NCALD: variants seen among roughly 807,000 people sequenced by gnomAD.
NCALD encodes the protein neurocalcin-delta.
In NCALD, 10 loss-of-function variants were observed where a neutral mutation model predicts 18.6. That is an observed-to-expected ratio of 0.54 (90% CI 0.33 to 0.91). The LOEUF (loss-of-function observed/expected upper bound fraction) is 0.91. Ranked by LOEUF, NCALD falls within the 40% of genes least tolerant of loss-of-function variation. NCALD has a pLI of 0.03. For synonymous variants in NCALD, 88 were observed against 87.4 expected (o/e 1.01, Z -0.04); for missense variants, 184 against 247.6 (o/e 0.74, Z 1.72).
intron 2 of NCALD, among the ~76,000 whole-genome samples, chr8:101,981,714 A>C (rs1348834797): frequency 6.6e-6 from 1 of 152,228 alleles, no homozygotes; most frequent in Non-Finnish European, 1.5e-5. Context: ...CATCTGCTGA[A>C]CCTGGCTTTT....
At chr8:101,697,489 C>T (rs1815055535) in intron 2 of NCALD, among the ~76,000 whole-genome samples, 1 of 151,788 alleles carries the variant, frequency 6.6e-6, no homozygotes, top group African/African-American at 2.4e-5. Context: ...AGAGACACAA[C>T]AAAAAAAGAA....
At chr8:101,736,931 T>C (rs761083239) in intron 1 of NCALD, among the ~76,000 whole-genome samples, 6 of 152,164 alleles carry the variant, frequency 3.9e-5, no homozygotes, top group Non-Finnish European at 8.8e-5. Context: ...ACTGATTGAG[T>C]GCATTAATTC....
intron 2 of NCALD, among the ~76,000 whole-genome samples, chr8:101,941,932 T>C (rs1376109812): frequency 6.6e-6 from 1 of 152,236 alleles, no homozygotes; most frequent in Admixed American, 6.5e-5. Context: ...TTTCTTTTTC[T>C]TTTTTCCCCA....
chr8:101,969,947 GT>G (rs775357774), intron 2 of NCALD, among the ~76,000 whole-genome samples: 12 of 152,104 alleles, frequency 7.9e-5, no homozygotes, highest in Non-Finnish European at 1.0e-4. Flanking sequence ...GCACACACAT[GT>G]GTTTACAGAT....
At chr8:101,937,487 G>C (rs777929545) in intron 2 of NCALD, among the ~76,000 whole-genome samples, 20 of 152,068 alleles carry the variant, frequency 1.3e-4, no homozygotes, top group African/African-American at 4.3e-4. Flanking sequence ...TGGCCTCCAG[G>C]TCCATCCATG....
intron 2 of NCALD, among the ~76,000 whole-genome samples, chr8:102,016,848 C>A (rs1040887043): frequency 6.6e-6 from 1 of 152,132 alleles, no homozygotes; most frequent in Non-Finnish European, 1.5e-5. Flanking sequence ...AAAACCCTCA[C>A]CTCATTGTCA....
chr8:101,738,032 C>T (rs905439695), intron 1 of NCALD, among the ~76,000 whole-genome samples: 1 of 152,150 alleles, frequency 6.6e-6, no homozygotes, highest in African/African-American at 2.4e-5. Flanking sequence ...AATGAAAGAT[C>T]GTACCTTTCC....
chr8:101,811,611 C>G (rs896153401), intron 4 of NCALD, among the ~76,000 whole-genome samples: 3 of 152,150 alleles, frequency 2.0e-5, no homozygotes, highest in Admixed American at 6.6e-5. Context: ...ATGAAAGAAG[C>G]AAAGATAAGC....
chr8:101,816,288 C>G (rs1265904142), intron 4 of NCALD, among the ~76,000 whole-genome samples: 2 of 152,012 alleles, frequency 1.3e-5, no homozygotes, highest in Non-Finnish European at 2.9e-5. Flanking sequence ...AAACAGTATG[C>G]AAGAAGGAGA....
intron 1 of NCALD, among the ~76,000 whole-genome samples, chr8:102,119,520 T>C (rs646836): frequency 0.71 from 108,773 of 152,134 alleles, 39,150 homozygotes; most frequent in African/African-American, 0.78. Flanking sequence ...TGTGAATGTA[T>C]TTAAAGCCAC....
intron 3 of NCALD, among the ~76,000 whole-genome samples, chr8:101,902,278 T>G (rs922698152): frequency 8.5e-6 from 1 of 117,056 alleles, no homozygotes; most frequent in Non-Finnish European, 1.6e-5. Flanking sequence ...CTGAGTTTTT[T>G]TTTTTTTTTT....
chr8:101,744,140 A>T (rs111836277), intron 1 of NCALD, among the ~76,000 whole-genome samples: 3,778 of 152,156 alleles, frequency 0.025, 159 homozygotes, highest in African/African-American at 0.086. Flanking sequence ...TCCCTTCCTC[A>T]GCTCCTACCA....
chr8:101,958,837 C>G (rs1819732866), intron 2 of NCALD, among the ~76,000 whole-genome samples: 1 of 152,052 alleles, frequency 6.6e-6, no homozygotes, highest in Admixed American at 6.6e-5. Context: ...TCCTAGCCCA[C>G]TTTTATTTTA....
intron 4 of NCALD, among the ~76,000 whole-genome samples, chr8:101,834,962 C>G (rs1289874166): frequency 6.6e-6 from 1 of 152,242 alleles, no homozygotes; most frequent in Non-Finnish European, 1.5e-5. Flanking sequence ...AGCTCCCTAT[C>G]TGTGTGGTCT....
At position 101,689,023 on chromosome 8, in the gene NCALD, CAG is replaced by C. The variant is rs761447551; in HGVS notation, c.*284_*285del. On this transcript the variant is annotated 3_prime_UTR_variant, in exon 4 of 4. Coordinates refer to ENST00000220931, the MANE Select transcript of NCALD (RefSeq NM_032041.3). This position sits in a 1 kb window ranked among gnomAD's most constrained non-coding sequence, Gnocchi z 4.4. ...AACCCCCGAGTCTTACGTTTTAGAA[CAG>C]AGACATTAGAATAAAAAAAAATAAT... 5.7e-6 allele frequency: 4 copies of C among 698,876 alleles called. No individual in the cohort carries two copies. In the South Asian group the frequency reaches 6.0e-5, roughly 10 times the overall value. The allele number at this position is 698,876 out of a possible 1,614,324, so 43.3% of individuals were successfully genotyped here. A position where few individuals can be genotyped will look rare whatever the true frequency, so the allele number is the denominator to read the frequency against.
chr8:102,111,412 A>ATG (rs57126471), intron 1 of NCALD, among the ~76,000 whole-genome samples: 9,978 of 147,638 alleles, frequency 0.068, 387 homozygotes, highest in East Asian at 0.15. Context: ...GTCTAAAGAG[A>ATG]TGTGTGTGTG....
intron 2 of NCALD, among the ~76,000 whole-genome samples, chr8:101,713,558 A>T (rs886183458): frequency 2.0e-5 from 3 of 152,166 alleles, no homozygotes; most frequent in Non-Finnish European, 2.9e-5. Context: ...AAGAAAAGGG[A>T]GAAGAATCTA....
chr8:101,936,934 A>T (rs1480919100), intron 2 of NCALD, among the ~76,000 whole-genome samples: 4 of 152,172 alleles, frequency 2.6e-5, no homozygotes, highest in Admixed American at 2.6e-4. Context: ...ATAGGCATTT[A>T]ATTTTTTCCT....
intron 4 of NCALD, among the ~76,000 whole-genome samples, chr8:101,855,990 T>C (rs1409445657): frequency 6.6e-6 from 1 of 152,148 alleles, no homozygotes; most frequent in Non-Finnish European, 1.5e-5. Flanking sequence ...TGTGACACCC[T>C]CAGGGTTTAA....
Sources: allele counts gnomAD v4.1 joint callset (sites outside exome capture counted in the v4.1 genomes callset), GRCh38; gene constraint gnomAD v4.1.1; non-coding constraint Gnocchi (gnomAD v3.1); transcripts MANE v1.5; gene names NCBI Gene and HGNC (gene_info 2026-07-23, HGNC 2026-07-21).